Variants in CUBN observed in about 807,000 individuals in gnomAD.
CUBN encodes 460 kDa receptor.
Under a neutral mutation model 405.3 loss-of-function variants are expected in CUBN, and 282 were observed. That is an observed-to-expected ratio of 0.70 (90% CI 0.63 to 0.77). CUBN has a LOEUF of 0.77. Ranked by LOEUF, CUBN falls within the 30% of genes least tolerant of loss-of-function variation. CUBN has a pLI of 0.00. For synonymous variants in CUBN, 1,684 were observed against 1,617.0 expected (o/e 1.04, Z -0.99); for missense variants, 4,514 against 4,475.2 (o/e 1.01, Z -0.25).
rs1280344561 is a variant in CUBN, at chr10:17,085,680, G to A, written c.2027C>T (p.Thr676Ile). The A allele has an allele frequency of 6.2e-7, 1 of 1,614,060 alleles. No homozygotes were observed. ...TTFSVPPLQT[T>I]GPFARIHFHS... Reference sequence around the variant, plus strand: ...GAAGTGAATTCTGGCAAAGGGGCCAGTAGTCTGGAGCGGTGGGACAGAGAA... The same window carrying A: ...GAAGTGAATTCTGGCAAAGGGGCCAATAGTCTGGAGCGGTGGGACAGAGAA... The change falls in exon 16 of 67, where the codon ACT (threonine) becomes ATT (isoleucine). Residue 676 changes from threonine to isoleucine, a missense_variant. By Grantham distance (89) the Thr-to-Ile change is moderately conservative (BLOSUM62 -1). Around this residue, in one of 5 missense-constraint regions of CUBN, gnomAD observed 1,448 missense variants for 1,388.0 expected, o/e 1.04. Coordinates refer to ENST00000377833, the MANE Select transcript of CUBN (RefSeq NM_001081.4).
chr10:16,944,355 T>C lies in CUBN; in HGVS notation c.5342+2880A>G, dbSNP rs116493414. On this transcript the variant is annotated intron_variant, in intron 36 of 66. Coordinates refer to ENST00000377833, the MANE Select transcript of CUBN (RefSeq NM_001081.4). ...TGGGTAATAAATGGTTAAATATATGTCTTACAAAAAACTCCTTTTTAGGTT... is the reference window on the plus strand; with the variant it reads ...TGGGTAATAAATGGTTAAATATATGCCTTACAAAAAACTCCTTTTTAGGTT... 1.1e-3 allele frequency among the ~76,000 whole-genome samples: 164 copies of C among 152,352 alleles called. 1 individual carries two copies. Among genetic ancestry groups the C allele is most frequent in the African/African-American group, 3.7e-3 (155 of 41,582 alleles).
At chr10:16,854,004 T>G (rs1839796028) in intron 59 of CUBN, among the ~76,000 whole-genome samples, 1 of 152,198 alleles carries the variant, frequency 6.6e-6, no homozygotes, top group Non-Finnish European at 1.5e-5. Flanking sequence ...TAAATAATGA[T>G]GACGCAATTT....
At chr10:17,078,836 C>T (rs1835909259) in intron 17 of CUBN, among the ~76,000 whole-genome samples, 1 of 152,012 alleles carries the variant, frequency 6.6e-6, no homozygotes, top group Non-Finnish European at 1.5e-5. Flanking sequence ...CCAGCCATAC[C>T]CTCTATTTGA....
chr10:17,119,829 T>C (rs557022526), intron 6 of CUBN, among the ~76,000 whole-genome samples: 13 of 152,312 alleles, frequency 8.5e-5, no homozygotes, highest in African/African-American at 2.9e-4. Context: ...GAAAATGATG[T>C]TTCTTGTGCT....
At chr10:16,938,443 T>C (rs932290067) in intron 38 of CUBN, among the ~76,000 whole-genome samples, 1 of 152,140 alleles carries the variant, frequency 6.6e-6, no homozygotes, top group African/African-American at 2.4e-5. Flanking sequence ...GTAATAGTCA[T>C]TCCCATACAT....
At chr10:16,909,049 ATTT>A (rs771426530) in intron 48 of CUBN, among the ~76,000 whole-genome samples, 53 of 149,606 alleles carry the variant, frequency 3.5e-4, no homozygotes, top group Admixed American at 8.0e-4. Flanking sequence ...CGCCCGGCTA[ATTT>A]TTTTTTGTAT....
At chr10:16,996,972 G>T (rs1285603026) in intron 28 of CUBN, among the ~76,000 whole-genome samples, 1 of 152,202 alleles carries the variant, frequency 6.6e-6, no homozygotes, top group East Asian at 1.9e-4. Flanking sequence ...CAGTGAAAGA[G>T]AATTAAATTT....
intron 5 of CUBN, 157 bp downstream of exon 5, chr10:17,123,431 C>G (rs781443431): frequency 1.4e-6 from 1 of 702,252 alleles, no homozygotes; most frequent in Non-Finnish European, 2.6e-6. Context: ...ATACTCACCA[C>G]TGTTTGGGTT....
chr10:16,874,323 A>G (rs376550839), intron 58 of CUBN, 51 bp downstream of exon 58: 112 of 1,602,934 alleles, frequency 7.0e-5, no homozygotes, highest in Non-Finnish European at 9.5e-5. Flanking sequence ...TGGCTCTTCT[A>G]TAAATAATGC....
rs202076095 is a variant in CUBN, at chr10:16,888,447, G to A, written c.8875C>T (p.Leu2959Phe). The A allele has an allele frequency of 3.1e-6, 5 of 1,613,366 alleles. No homozygotes were observed. Among genetic ancestry groups the A allele is most frequent in the East Asian group, 2.2e-5 (1 of 44,808 alleles). ...VIEANPLSVVLLTFVSFHLEA... is the reference protein window; with the variant it reads ...VIEANPLSVVFLTFVSFHLEA... ...AAGTGGAAGGACACAAAAGTCAAGA[G>A]GACCACTGACAGAGGATTAGCCTCT... Residue 2959 changes from leucine to phenylalanine, a missense_variant, in exon 56 of 67, where the codon CTC becomes TTC. Leu to Phe is a conservative substitution (Grantham distance 22). This residue lies in a region of CUBN where 1,186 missense variants were observed against 1,186.9 expected (regional missense o/e 1.00). Coordinates refer to ENST00000377833, the MANE Select transcript of CUBN (RefSeq NM_001081.4).
At chr10:17,005,415 A>G (rs1424027394) in intron 28 of CUBN, among the ~76,000 whole-genome samples, 1 of 152,212 alleles carries the variant, frequency 6.6e-6, no homozygotes, top group African/African-American at 2.4e-5. Context: ...CCCCCTACCA[A>G]GAGCCAATTT....
At position 16,974,491 on chromosome 10, in the gene CUBN, T is replaced by C. The variant is rs962128462; in HGVS notation, c.4695+7993A>G. On this transcript the variant is annotated intron_variant, in intron 31 of 66. Transcript: ENST00000377833. ...CAGGCTGGAGTGCAGTGGCGTGATC[T>C]TGGCTCAATGCAAGCTCTGCCTCCC... Among the ~76,000 whole-genome samples the C allele has an allele frequency of 3.9e-5, 6 of 152,052 alleles. No homozygotes were observed. The East Asian group carries it at 9.6e-4, about 24-fold the overall frequency.
Position 17,065,641 on chromosome 10 carries a change from A to G in CUBN, c.3009-3T>C. 4 of 1,613,258 alleles carry G rather than the reference A, an allele frequency of 2.5e-6. No homozygotes were observed. The South Asian group carries it at 3.3e-5, about 13-fold the overall frequency. ...GCGGGATCGACTTTCCACAGTATCTATTCCAAACCAAGAAAGGACAGATGT... is the reference window on the plus strand; with the variant it reads ...GCGGGATCGACTTTCCACAGTATCTGTTCCAAACCAAGAAAGGACAGATGT... On this transcript the variant is annotated splice_region_variant and splice_polypyrimidine_tract_variant and intron_variant, in intron 21 of 66. Coordinates refer to ENST00000377833, the MANE Select transcript of CUBN (RefSeq NM_001081.4).
At chr10:16,931,100 C>CAA (rs764466526) in intron 40 of CUBN, among the ~76,000 whole-genome samples, 1 of 133,034 alleles carries the variant, frequency 7.5e-6, no homozygotes. Flanking sequence ...ACTAAAAATA[C>CAA]AAAAAAAAAA....
chr10:16,940,312 T>A, intron 36 of CUBN, 75 bp from the exon 37 acceptor site: 1 of 1,320,492 alleles, frequency 7.6e-7, no homozygotes, highest in Non-Finnish European at 1.1e-6. Context: ...GATCACATGC[T>A]AGGTTAACCC....
intron 27 of CUBN, among the ~76,000 whole-genome samples, chr10:17,037,398 C>A (rs193113026): frequency 6.0e-4 from 92 of 152,240 alleles, no homozygotes; most frequent in South Asian, 2.9e-3. Context: ...TGTTTAGATT[C>A]TTAAAAATCA....
intron 17 of CUBN, among the ~76,000 whole-genome samples, chr10:17,083,880 C>A (rs1420039547): frequency 6.6e-6 from 1 of 151,954 alleles, no homozygotes; most frequent in Non-Finnish European, 1.5e-5. Context: ...CAATCATTAC[C>A]CACACTTAAA....
intron 51 of CUBN, among the ~76,000 whole-genome samples, chr10:16,903,394 G>C (rs1287887404): frequency 6.6e-6 from 1 of 151,976 alleles, no homozygotes; most frequent in East Asian, 1.9e-4. Context: ...CATTCCTTCT[G>C]TTCAATATTC....
At chr10:17,109,156 T>C (rs1836708199) in intron 10 of CUBN, among the ~76,000 whole-genome samples, 1 of 152,208 alleles carries the variant, frequency 6.6e-6, no homozygotes. Context: ...AATTACAGGG[T>C]TAAACCCTTC....
Sources: allele counts gnomAD v4.1 joint callset (sites outside exome capture counted in the v4.1 genomes callset), GRCh38; gene constraint gnomAD v4.1.1; regional missense constraint gnomAD v4.1.1; transcripts MANE v1.5; gene names NCBI Gene and HGNC (gene_info 2026-07-23, HGNC 2026-07-21).